FNBP1L: variants seen among roughly 807,000 people sequenced by gnomAD.
The protein encoded by FNBP1L is formin binding protein 1 like, also known as formin-binding protein 1-like.
FNBP1L carries 36 observed loss-of-function variants against 91.2 expected under a neutral mutation model. The observed-to-expected ratio is 0.39, with a 90% CI of 0.30 to 0.52. The LOEUF is 0.52. FNBP1L is among the 20% of genes least tolerant of loss of function. The pLI is 0.66. For synonymous variants in FNBP1L, 242 were observed against 237.0 expected (o/e 1.02, Z -0.19); for missense variants, 571 against 732.1 (o/e 0.78, Z 2.54).
At chr1:93,519,365 A>G (rs553398801) in intron 2 of FNBP1L, among the ~76,000 whole-genome samples, 17 of 152,282 alleles carry the variant, frequency 1.1e-4, no homozygotes, top group African/African-American at 4.1e-4. Context: ...GATCTTCTCT[A>G]ATGAGCAGAA....
intron 14 of FNBP1L, among the ~76,000 whole-genome samples, chr1:93,547,991 C>T (rs1404882466): frequency 6.6e-6 from 1 of 152,108 alleles, no homozygotes; most frequent in East Asian, 1.9e-4. Flanking sequence ...TAGTTTTCTA[C>T]TTAATTACAG....
At position 93,462,824 on chromosome 1, in the gene FNBP1L, T is replaced by C. The variant is rs528492264; in HGVS notation, c.24+14519T>C. On this transcript the variant is annotated intron_variant, in intron 1 of 16. Coordinates refer to ENST00000271234, the MANE Select transcript of FNBP1L (RefSeq NM_001164473.3). The stretch of plus-strand genomic sequence containing the variant: ...CAGATTTTTCCACTGTATTTTTTTT[T>C]CCTCCTTTTTCTATACTGTACTCTG... 4.6e-5 allele frequency among the ~76,000 whole-genome samples: 7 copies of C among 152,274 alleles called. No homozygotes were observed. The South Asian group carries it at 6.2e-4, about 14-fold the overall frequency.
intron 1 of FNBP1L, among the ~76,000 whole-genome samples, chr1:93,495,178 A>T (rs1670221849): frequency 6.6e-6 from 1 of 152,194 alleles, no homozygotes; most frequent in Non-Finnish European, 1.5e-5. Flanking sequence ...AAAAATAGAA[A>T]TATTTTTTAG....
Position 93,523,458 on chromosome 1 carries a change from A to G in FNBP1L, c.309A>G (p.Arg103=), listed in dbSNP as rs1671396846. The change falls in exon 4 of 17, where the codon AGA becomes AGG. Residue 103 remains arginine (R), a synonymous_variant. Transcript: ENST00000271234. The part of the protein sequence containing the change: ...MAHRVYGELM[R]YAHDLKTERK... ...ACAGAGTGTATGGTGAATTAATGAG[A>G]TATGCTCATGATCTGAAAACTGAAA... 6.2e-7 allele frequency: 1 copy of G among 1,609,374 alleles called. No homozygotes were observed. Among genetic ancestry groups the G allele is most frequent in the African/African-American group, 1.3e-5 (1 of 74,878 alleles).
chr1:93,550,996 T>C lies in FNBP1L; in HGVS notation c.1701T>C (p.Ile567=), dbSNP rs749797756. 1 of 1,612,126 alleles carries C rather than the reference T, an allele frequency of 6.2e-7. No individual in the cohort carries two copies. The highest frequency in any genetic ancestry group is 1.1e-5 in the South Asian group (1 of 90,784). The change falls in exon 16 of 17, where the codon ATT becomes ATC. Residue 567 remains isoleucine, a synonymous_variant. Transcript: ENST00000271234. ...LAMKEGEVLY[I]IEEDKGDGWT... ...TGAAAGAAGGTGAAGTTCTCTACAT[T>C]ATAGAGGAGGACAAAGGTGACGGAT...
intron 1 of FNBP1L, among the ~76,000 whole-genome samples, chr1:93,490,303 T>C (rs1427130787): frequency 6.6e-6 from 1 of 152,222 alleles, no homozygotes; most frequent in Non-Finnish European, 1.5e-5. Context: ...CTACATAATG[T>C]GGACATTTAT....
chr1:93,510,239 C>T (rs1027249645), intron 2 of FNBP1L, among the ~76,000 whole-genome samples: 12 of 152,060 alleles, frequency 7.9e-5, no homozygotes, highest in Admixed American at 7.2e-4. Context: ...CAGTGGTTCT[C>T]CCAGCACACA....
intron 1 of FNBP1L, among the ~76,000 whole-genome samples, chr1:93,457,190 C>T (rs1044980538): frequency 6.6e-6 from 1 of 152,184 alleles, no homozygotes; most frequent in Non-Finnish European, 1.5e-5. Flanking sequence ...TGACCTCCAA[C>T]CACTATTCTG....
chr1:93,536,768 G>C (rs1476025158), intron 10 of FNBP1L, among the ~76,000 whole-genome samples: 1 of 150,460 alleles, frequency 6.6e-6, no homozygotes, highest in Non-Finnish European at 1.5e-5. Context: ...CCATTGTCTT[G>C]TAATGTATTT....
intron 1 of FNBP1L, among the ~76,000 whole-genome samples, chr1:93,475,436 G>A (rs574486821): frequency 6.6e-6 from 1 of 152,184 alleles, no homozygotes; most frequent in East Asian, 1.9e-4. Context: ...CTATTTGGGA[G>A]GCTGAGGTGG....
chr1:93,543,548 AGTT>A (rs1478618505), intron 11 of FNBP1L, among the ~76,000 whole-genome samples: 1 of 152,188 alleles, frequency 6.6e-6, no homozygotes, highest in Non-Finnish European at 1.5e-5. Context: ...TGGTTTAATC[AGTT>A]GTTCAAAGAC....
At chr1:93,499,379 C>T (rs956585652) in intron 1 of FNBP1L, 89 bp from the exon 2 acceptor site, 78 of 822,664 alleles carry the variant, frequency 9.5e-5, no homozygotes, top group Non-Finnish European at 1.4e-4. Flanking sequence ...TACCTCATTG[C>T]TTCTCTGTAC....
chr1:93,488,640 A>G (rs762474025), intron 1 of FNBP1L, among the ~76,000 whole-genome samples: 38 of 152,192 alleles, frequency 2.5e-4, no homozygotes, highest in Non-Finnish European at 4.7e-4. Context: ...TCCAATATCT[A>G]CTACTCTCCC....
intron 10 of FNBP1L, among the ~76,000 whole-genome samples, chr1:93,537,396 C>T (rs570348432): frequency 6.6e-6 from 1 of 152,104 alleles, no homozygotes; most frequent in South Asian, 2.1e-4. Context: ...CCTCTTTTCT[C>T]TCTTCTTACC....
At chr1:93,516,060 C>G (rs566921804) in intron 2 of FNBP1L, among the ~76,000 whole-genome samples, 2 of 152,030 alleles carry the variant, frequency 1.3e-5, no homozygotes, top group African/African-American at 4.8e-5. Flanking sequence ...ATGTAGACTC[C>G]TCCAGTCTCT....
intron 2 of FNBP1L, among the ~76,000 whole-genome samples, chr1:93,520,734 A>G (rs1317213458): frequency 2.0e-5 from 3 of 152,122 alleles, no homozygotes; most frequent in Non-Finnish European, 4.4e-5. Context: ...CAAATTGTCC[A>G]AGGTCACATA....
intron 1 of FNBP1L, among the ~76,000 whole-genome samples, chr1:93,471,558 G>T (rs1226351735): frequency 6.6e-6 from 1 of 152,120 alleles, no homozygotes; most frequent in Non-Finnish European, 1.5e-5. Flanking sequence ...TGGGCGTGGT[G>T]GTGTGTGCCT....
At chr1:93,493,210 G>C (rs753773711) in intron 1 of FNBP1L, among the ~76,000 whole-genome samples, 14 of 152,134 alleles carry the variant, frequency 9.2e-5, no homozygotes, top group Non-Finnish European at 1.5e-5. Context: ...TCTGCAGTGA[G>C]CCATGGGGCA....
intron 10 of FNBP1L, among the ~76,000 whole-genome samples, chr1:93,539,127 G>T (rs554996410): frequency 6.6e-6 from 1 of 152,006 alleles, no homozygotes; most frequent in Admixed American, 6.6e-5. Context: ...TATTTATTTA[G>T]CAATGAGTCC....
Sources: allele counts gnomAD v4.1 joint callset (sites outside exome capture counted in the v4.1 genomes callset), GRCh38; gene constraint gnomAD v4.1.1; transcripts MANE v1.5; gene names NCBI Gene and HGNC (gene_info 2026-07-23, HGNC 2026-07-21).